Variants in ARID4A observed in about 807,000 individuals in gnomAD.
ARID4A encodes AT-rich interactive domain-containing protein 4A.
Under a neutral mutation model 148.6 loss-of-function variants are expected in ARID4A, and 39 were observed. That is an observed-to-expected ratio of 0.26 (90% CI 0.20 to 0.34). ARID4A has a LOEUF of 0.34. ARID4A is among the 10% of genes least tolerant of loss of function. The pLI is 1.00. For missense variants in ARID4A, 1,265 were observed against 1,449.1 expected (o/e 0.87, Z 2.06); for synonymous variants, 475 against 481.2 (o/e 0.99, Z 0.17).
chr14:58,322,982 T>TAAAAAAAAAAAAAAAAAAAAAAAAAAA (rs2032999166), intron 7 of ARID4A, among the ~76,000 whole-genome samples: 1 of 81,228 alleles, frequency 1.2e-5, no homozygotes, highest in Admixed American at 1.5e-4. Context: ...AAAAAAAAAA[T>TAAAAAAAAAAAAAAAAAAAAAAAAAAA]ATATATATAT....
chr14:58,299,537 A>G (rs1479300495), intron 1 of ARID4A: 3 of 477,194 alleles, frequency 6.3e-6, no homozygotes, highest in African/African-American at 5.9e-5. Flanking sequence ...CGAGTTGAGC[A>G]TTCCGGGTCA....
At chr14:58,329,910 G>T in intron 10 of ARID4A, 93 bp from the exon 11 acceptor site, 2 of 1,511,806 alleles carry the variant, frequency 1.3e-6, no homozygotes, top group Non-Finnish European at 1.8e-6. Flanking sequence ...AGCCGAATTT[G>T]AATTCAGATC....
rs376588863 is a variant in ARID4A, at chr14:58,367,043, G to C, written c.3670+14G>C. On this transcript the variant is annotated intron_variant, in intron 23 of 23. Coordinates refer to ENST00000355431, the MANE Select transcript of ARID4A (RefSeq NM_002892.4). ...AAGACAGGGAAGGTAATTTTATTAT[G>C]ATTTTTCTCCCCTTATATTTCAAAA... 1.0e-5 allele frequency: 15 copies of C among 1,460,414 alleles called. No homozygotes were observed. Among genetic ancestry groups the C allele is most frequent in the Admixed American group, 2.7e-5 (1 of 36,696 alleles). 90.5% of individuals were successfully genotyped at this position (1,460,414 alleles called of 1,614,324 possible).
In ARID4A at chr14:58,365,594, T is replaced by A. The variant is rs201474609; in HGVS notation, c.3288T>A (p.Ala1096=). The change falls in exon 21 of 24, where the codon GCT becomes GCA. Residue 1096 remains alanine, a synonymous_variant. Coordinates refer to ENST00000355431, the MANE Select transcript of ARID4A (RefSeq NM_002892.4). Reference sequence around the variant, plus strand: ...AGCGTACCCCAAAGCGAACAAGTGCTGCAGCCAAAAATGAAAAGAATGGAA... The same window carrying A: ...AGCGTACCCCAAAGCGAACAAGTGCAGCAGCCAAAAATGAAAAGAATGGAA... The part of the protein sequence containing the change: ...KQKRTPKRTS[A]AAKNEKNGTG... 61 of 1,612,276 alleles carry A rather than the reference T, an allele frequency of 3.8e-5. No individual in the cohort carries two copies. Among genetic ancestry groups the A allele is most frequent in the Non-Finnish European group, 4.8e-5 (57 of 1,179,324 alleles).
At chr14:58,338,207 CAA>C (rs1393292788) in intron 11 of ARID4A, among the ~76,000 whole-genome samples, 1 of 152,094 alleles carries the variant, frequency 6.6e-6, no homozygotes, top group African/African-American at 2.4e-5. Flanking sequence ...TCTGTAGGAA[CAA>C]AGAGGGCTCT....
intron 18 of ARID4A, among the ~76,000 whole-genome samples, chr14:58,360,303 ACT>A (rs1388511770): frequency 6.6e-6 from 1 of 152,140 alleles, no homozygotes; most frequent in Non-Finnish European, 1.5e-5. Flanking sequence ...GGAACTAACC[ACT>A]CTGCTGTGGG....
At chr14:58,345,418 C>T (rs1016563448) in intron 12 of ARID4A, among the ~76,000 whole-genome samples, 13 of 152,144 alleles carry the variant, frequency 8.5e-5, no homozygotes, top group African/African-American at 3.1e-4. Flanking sequence ...GGCAAATAAA[C>T]TAGATAAACT....
chr14:58,347,763 A>G lies in ARID4A; in HGVS notation c.1289A>G (p.Glu430Gly), dbSNP rs778346572. 4 of 1,613,744 alleles carry G rather than the reference A, an allele frequency of 2.5e-6. No individual in the cohort carries two copies. Among genetic ancestry groups the G allele is most frequent in the Non-Finnish European group, 3.4e-6 (4 of 1,179,670 alleles). ...AAAGACTTAGAAGAATCAATGGAAGAGGCTCTCAAATTAGATCAAGAAATG... is the reference window on the plus strand; with the variant it reads ...AAAGACTTAGAAGAATCAATGGAAGGGGCTCTCAAATTAGATCAAGAAATG... ...EKKDLEESMEEALKLDQEMPL... is the reference protein window; with the variant it reads ...EKKDLEESMEGALKLDQEMPL... The change falls in exon 15 of 24, where the codon GAG becomes GGG. Residue 430 changes from glutamate to glycine, a missense_variant. Physicochemically the swap from Glu to Gly is moderately conservative, Grantham distance 98. Around this residue, in one of 9 missense-constraint regions of ARID4A, gnomAD observed 205 missense variants for 196.9 expected, o/e 1.04. Transcript: ENST00000355431.
intron 5 of ARID4A, among the ~76,000 whole-genome samples, chr14:58,315,695 G>T (rs180959738): frequency 2.8e-4 from 42 of 152,266 alleles, no homozygotes; most frequent in Admixed American, 5.9e-4. Context: ...AACTTTAAGA[G>T]AACAGTGGTT....
chr14:58,370,566 G>A (rs1260265096), intron 23 of ARID4A, among the ~76,000 whole-genome samples: 1 of 151,936 alleles, frequency 6.6e-6, no homozygotes, highest in Non-Finnish European at 1.5e-5. Flanking sequence ...CAAAGTGCTG[G>A]AATTACAGGC....
At chr14:58,344,832 C>T (rs530514153) in intron 12 of ARID4A, 65 bp downstream of exon 12, 3 of 1,198,976 alleles carry the variant, frequency 2.5e-6, no homozygotes, top group Non-Finnish European at 3.7e-6. Flanking sequence ...TAGGTATATG[C>T]ATTGTTTTTG....
rs779531633 is a variant in ARID4A at position 58,371,947 on chromosome 14, A to G, written c.3732A>G (p.Ser1244=). 24 of 1,613,018 alleles carry G rather than the reference A, an allele frequency of 1.5e-5. No homozygotes were observed. The highest frequency in any genetic ancestry group is 3.3e-5 in the Admixed American group (2 of 59,996). Residue 1244 remains serine (S), a synonymous_variant, in exon 24 of 24, where the codon TCA becomes TCG. Transcript: ENST00000355431. ...ASSDTGMSPS[S]SSPPQNVLAV... The stretch of plus-strand genomic sequence containing the variant: ...CAGACACTGGAATGAGTCCCTCATC[A>G]TCATCTCCCCCACAAAATGTACTTG...
In ARID4A at chr14:58,364,722, C is replaced by T; in HGVS notation, c.2633C>T (p.Thr878Ile). ...KIRIENGMEMTNTVSQERTSD... is the reference protein window; with the variant it reads ...KIRIENGMEMINTVSQERTSD... The stretch of plus-strand genomic sequence containing the variant: ...AGAATTGAGAATGGAATGGAAATGA[C>T]AAATACTGTATCTCAAGAAAGGACC... The change falls in exon 20 of 24, where the codon ACA becomes ATA. Residue 878 changes from threonine (T) to isoleucine (I), a missense_variant. Thr to Ile is a moderately conservative substitution (Grantham distance 89). Coordinates refer to ENST00000355431, the MANE Select transcript of ARID4A (RefSeq NM_002892.4). 1.2e-6 allele frequency: 2 copies of T among 1,613,840 alleles called. No individual in the cohort carries two copies. Among genetic ancestry groups the T allele is most frequent in the Non-Finnish European group, 1.7e-6 (2 of 1,179,936 alleles).
chr14:58,322,013 C>G (rs2032921906), intron 7 of ARID4A, among the ~76,000 whole-genome samples: 1 of 151,852 alleles, frequency 6.6e-6, no homozygotes, highest in African/African-American at 2.4e-5. Flanking sequence ...CTCTGTCACC[C>G]AGACTGTAGT....
intron 5 of ARID4A, among the ~76,000 whole-genome samples, chr14:58,309,352 G>T (rs1449193065): frequency 6.6e-6 from 1 of 152,140 alleles, no homozygotes; most frequent in Non-Finnish European, 1.5e-5. Flanking sequence ...TTGAGCAATA[G>T]AAATATTTCC....
chr14:58,302,555 G>A (rs1201624578), intron 3 of ARID4A, among the ~76,000 whole-genome samples: 1 of 152,162 alleles, frequency 6.6e-6, no homozygotes, highest in African/African-American at 2.4e-5. Context: ...CTACTCGGGA[G>A]GCTGAGGCAG....
chr14:58,350,520 C>CT (rs1481389185), intron 15 of ARID4A, among the ~76,000 whole-genome samples: 1 of 152,146 alleles, frequency 6.6e-6, no homozygotes, highest in Non-Finnish European at 1.5e-5. Flanking sequence ...TCCAGATACT[C>CT]ATTCAAAGAA....
At position 58,364,550 on chromosome 14, in the gene ARID4A, CCTCATATAGAAG is replaced by C; in HGVS notation, c.2468_2479del (p.Ile823_His826del). 1 of 1,611,008 alleles carries C rather than the reference CCTCATATAGAAG, an allele frequency of 6.2e-7. No individual in the cohort carries two copies. Among genetic ancestry groups the C allele is most frequent in the Non-Finnish European group, 8.5e-7 (1 of 1,179,412 alleles). The stretch of plus-strand genomic sequence containing the variant: ...TGGCCAGAATGAAGCAGGAAGTGAA[CCTCATATAGAAG>C]CTCATAGTCTTGAATTGTCTTCATT... On this transcript the variant is annotated inframe_deletion, in exon 20 of 24. Transcript: ENST00000355431.
intron 23 of ARID4A, among the ~76,000 whole-genome samples, chr14:58,370,783 G>T (rs201470797): frequency 3.4e-5 from 5 of 148,492 alleles, no homozygotes; most frequent in Admixed American, 2.7e-4. Flanking sequence ...TAATTTTTTA[G>T]TTTTTTTTGT....
Sources: gnomAD v4.1 joint callset for allele counts (sites outside exome capture counted in the v4.1 genomes callset) on GRCh38, gnomAD v4.1.1 for gene constraint, gnomAD v4.1.1 regional missense constraint, MANE v1.5 for transcripts, NCBI Gene and HGNC (gene_info 2026-07-23, HGNC 2026-07-21) for gene names.